RNF224: variants seen among roughly 807,000 people sequenced by gnomAD.
RNF224 encodes ring finger protein 224.
RNF224 carries 1 observed loss-of-function variant against 2.9 expected under a neutral mutation model. The ratio of observed to expected loss-of-function variants is 0.35; its 90% CI spans 0.12 to 1.66. The LOEUF (loss-of-function observed/expected upper bound fraction) is 1.66. Among genes scored for constraint, RNF224 ranks in the 40% most tolerant of loss-of-function variants. RNF224 has a pLI of 0.35. For missense variants in RNF224, 254 were observed against 221.8 expected, an observed-to-expected ratio of 1.15 and a Z score of -0.92; for synonymous variants, 116 against 97.6, an observed-to-expected ratio of 1.19 and a Z score of -1.11.
At chr9:137,228,478 C>T (rs760833914) in intron 2 of RNF224, 137 bp downstream of exon 2, 78 of 1,084,266 alleles carry the variant, frequency 7.2e-5, no homozygotes, top group Non-Finnish European at 8.8e-5. Flanking sequence ...TGCCTGTGCC[C>T]GGTGCCACGC....
In RNF224 at chr9:137,228,194, C is replaced by T. The variant is rs748943972; in HGVS notation, c.-142C>T. 8.3e-5 allele frequency: 62 copies of T among 744,106 alleles called. No homozygotes were observed. Among genetic ancestry groups the T allele is most frequent in the Middle Eastern group, 4.7e-4 (2 of 4,252 alleles). 46.1% of individuals were successfully genotyped at this position (744,106 alleles called of 1,614,324 possible). ...TGTGGCTGAAACGGGAGCCCACGCC[C>T]GCCACAGCTGGCCACCTGCCTCTCT... On this transcript the variant is annotated 5_prime_UTR_variant, in exon 2 of 3. Transcript: ENST00000445101.
rs1046153018 is a variant in RNF224, at chr9:137,229,407, G to A, written c.*321G>A. 8 of 400,506 alleles carry A rather than the reference G, an allele frequency of 2.0e-5. No homozygotes were observed. Among genetic ancestry groups the A allele is most frequent in the South Asian group, 1.2e-4 (4 of 32,518 alleles). The allele number at this position is 400,506 out of a possible 1,614,324, so 24.8% of individuals were successfully genotyped here. Reference sequence around the variant, plus strand: ...CGGCAAGCCTGGCTTGGGCCTAGACGCAGCGCAAAGGATGGCTCCCAAGAG... The same window carrying A: ...CGGCAAGCCTGGCTTGGGCCTAGACACAGCGCAAAGGATGGCTCCCAAGAG... On this transcript the variant is annotated 3_prime_UTR_variant, in exon 3 of 3. Coordinates refer to ENST00000445101, the MANE Select transcript of RNF224 (RefSeq NM_001190228.2).
At chr9:137,228,095 G>A (rs1276934584) in intron 1 of RNF224, 57 bp from the exon 2 acceptor site, 2 of 545,776 alleles carry the variant, frequency 3.7e-6, no homozygotes, top group Non-Finnish European at 6.5e-6. Flanking sequence ...CTGGACAGGA[G>A]GGGGTGGGCA....
chr9:137,228,433 G>C, intron 2 of RNF224, 92 bp downstream of exon 2: 1 of 1,282,522 alleles, frequency 7.8e-7, no homozygotes, highest in African/African-American at 1.5e-5. Flanking sequence ...CCCGGCTGGT[G>C]CCCACATGAA....
chr9:137,227,904 G>A (rs1588833909), intron 1 of RNF224, 43 bp downstream of exon 1: 2 of 185,348 alleles, frequency 1.1e-5, no homozygotes, highest in African/African-American at 2.5e-5. Context: ...AAGGGAAGGA[G>A]AGGGTAAGAG....
At chr9:137,228,460 C>T in intron 2 of RNF224, 119 bp downstream of exon 2, 1 of 1,126,708 alleles carries the variant, frequency 8.9e-7, no homozygotes, top group Non-Finnish European at 1.2e-6. Flanking sequence ...GTGTGCAGAC[C>T]CTGGTTCTGC....
At chr9:137,228,563 C>T (rs1163046002) in intron 2 of RNF224, 59 bp from the exon 3 acceptor site, 8 of 1,336,822 alleles carry the variant, frequency 6.0e-6, no homozygotes, top group African/African-American at 3.0e-5. Flanking sequence ...GGGGCCAGCA[C>T]CCCATCCAGG....
At chr9:137,228,480 G>C in intron 2 of RNF224, 139 bp downstream of exon 2, 1 of 1,093,556 alleles carries the variant, frequency 9.1e-7, no homozygotes. Context: ...CCTGTGCCCG[G>C]TGCCACGCTC....
Position 137,228,541 on chromosome 9 carries a change from G to C in RNF224, c.7-81G>C. Reference sequence around the variant, plus strand: ...CCACAGACCCAGCGCCTGACCTCTGGGGTGGGCTCCTGGGGCCAGCACCCC... The same window carrying C: ...CCACAGACCCAGCGCCTGACCTCTGCGGTGGGCTCCTGGGGCCAGCACCCC... On this transcript the variant is annotated intron_variant, in intron 2 of 2. Coordinates refer to ENST00000445101, the MANE Select transcript of RNF224 (RefSeq NM_001190228.2). The C allele has an allele frequency of 2.4e-6, 3 of 1,232,152 alleles. No individual in the cohort carries two copies. The South Asian group carries it at 4.7e-5, about 19-fold the overall frequency. 76.3% of individuals were successfully genotyped at this position (1,232,152 alleles called of 1,614,324 possible).
rs762797917 is a variant in RNF224 at position 137,228,669 on chromosome 9, G to A, written c.54G>A (p.Pro18=). ...GPPGLGGGGP[P]EERTDCIICC... is the part of the protein sequence containing the mutation. ...CAGGCCTCGGAGGAGGGGGGCCCCCGGAGGAGAGGACAGACTGCATCATCT... is the reference window on the plus strand; with the variant it reads ...CAGGCCTCGGAGGAGGGGGGCCCCCAGAGGAGAGGACAGACTGCATCATCT... The change falls in exon 3 of 3, where the codon CCG becomes CCA. Residue 18 remains proline, a synonymous_variant. Coordinates refer to ENST00000445101, the MANE Select transcript of RNF224 (RefSeq NM_001190228.2). The A allele has an allele frequency of 5.0e-5, 74 of 1,470,934 alleles. No individual in the cohort carries two copies. The Middle Eastern group carries it at 8.3e-4, about 17-fold the overall frequency. 91.1% of individuals were successfully genotyped at this position (1,470,934 alleles called of 1,614,324 possible). A position where few individuals can be genotyped will look rare whatever the true frequency, so the allele number is the denominator to read the frequency against.
In RNF224 at chr9:137,229,229, C is replaced by G; in HGVS notation, c.*143C>G. Reference sequence around the variant, plus strand: ...GTGTGGCCCAGCAGGGTGGTGTCATCCCAGCCGTGAACATCCCAGGCCACA... The same window carrying G: ...GTGTGGCCCAGCAGGGTGGTGTCATGCCAGCCGTGAACATCCCAGGCCACA... On this transcript the variant is annotated 3_prime_UTR_variant, in exon 3 of 3. Coordinates refer to ENST00000445101, the MANE Select transcript of RNF224 (RefSeq NM_001190228.2). The G allele has an allele frequency of 1.6e-6, 1 of 615,572 alleles. No homozygotes were observed. Among genetic ancestry groups the G allele is most frequent in the Non-Finnish European group, 2.9e-6 (1 of 348,840 alleles). 38.1% of individuals were successfully genotyped at this position (615,572 alleles called of 1,614,324 possible).
Position 137,228,284 on chromosome 9 carries a change from C to A in RNF224, c.-52C>A, listed in dbSNP as rs905069028. ...GAGCCGCAGGGCGCCCTGGGTCCCC[C>A]ACTCCCTTCTCCGGCCACCCCGTGG... On this transcript the variant is annotated 5_prime_UTR_variant, in exon 2 of 3. Transcript: ENST00000445101. The A allele has an allele frequency of 9.2e-6, 14 of 1,527,276 alleles. No homozygotes were observed. The African/African-American group carries it at 1.7e-4, about 18-fold the overall frequency. 94.6% of individuals were successfully genotyped at this position (1,527,276 alleles called of 1,614,324 possible). A position where few individuals can be genotyped will look rare whatever the true frequency, so the allele number is the denominator to read the frequency against.
At position 137,228,904 on chromosome 9, in the gene RNF224, G is replaced by C. The variant is rs1222605413; in HGVS notation, c.289G>C (p.Glu97Gln). ...DLAAFLAVKAEREPARLEPLP... is the reference protein window; with the variant it reads ...DLAAFLAVKAQREPARLEPLP... ...GGCTGCTTTCCTGGCGGTCAAGGCT[G>C]AGCGGGAGCCGGCAAGACTAGAACC... The change falls in exon 3 of 3, where the codon GAG becomes CAG. Residue 97 changes from glutamate (E) to glutamine (Q), a missense_variant. Physicochemically the swap from Glu to Gln is conservative, Grantham distance 29. Coordinates refer to ENST00000445101, the MANE Select transcript of RNF224 (RefSeq NM_001190228.2). 1 of 1,535,756 alleles carries C rather than the reference G, an allele frequency of 6.5e-7. No individual in the cohort carries two copies. Among genetic ancestry groups the C allele is most frequent in the Admixed American group, 2.0e-5 (1 of 51,002 alleles).
chr9:137,229,424 T>G lies in RNF224; in HGVS notation c.*338T>G. The G allele has an allele frequency of 3.0e-6, 1 of 335,256 alleles. No homozygotes were observed. The allele number at this position is 335,256 out of a possible 1,614,324, so 20.8% of individuals were successfully genotyped here. A position where few individuals can be genotyped will look rare whatever the true frequency, so the allele number is the denominator to read the frequency against. ...GCCTAGACGCAGCGCAAAGGATGGC[T>G]CCCAAGAGGATGCGAAGGCGTCCCG... On this transcript the variant is annotated 3_prime_UTR_variant, in exon 3 of 3. Transcript: ENST00000445101.
chr9:137,227,880 A>C lies in RNF224; in HGVS notation c.-185+19A>C, dbSNP rs2131393393. On this transcript the variant is annotated intron_variant, in intron 1 of 2. Transcript: ENST00000445101. ...GGCCAAGGCAGGAAAACATTCCAGT[A>C]TGGAGGGGAGGTTAAGGGAAGGAGA... 5 of 157,264 alleles carry C rather than the reference A, an allele frequency of 3.2e-5. No homozygotes were observed. Among genetic ancestry groups the C allele is most frequent in the Non-Finnish European group, 6.8e-5 (5 of 73,692 alleles). 9.7% of individuals were successfully genotyped at this position (157,264 alleles called of 1,614,324 possible). A position where few individuals can be genotyped will look rare whatever the true frequency, so the allele number is the denominator to read the frequency against.
Position 137,229,478 on chromosome 9 carries a change from G to C in RNF224, c.*392G>C. 1 of 247,070 alleles carries C rather than the reference G, an allele frequency of 4.0e-6. No homozygotes were observed. Among genetic ancestry groups the C allele is most frequent in the African/African-American group, 2.2e-5 (1 of 45,228 alleles). The allele number at this position is 247,070 out of a possible 1,614,324, so 15.3% of individuals were successfully genotyped here. A position where few individuals can be genotyped will look rare whatever the true frequency, so the allele number is the denominator to read the frequency against. On this transcript the variant is annotated 3_prime_UTR_variant, in exon 3 of 3. Transcript: ENST00000445101. Reference sequence around the variant, plus strand: ...GCCTGGGCTGCAGGCTGGAGGGGCAGGGCCGGTCTGGCTATGCCTGGCGGG... The same window carrying C: ...GCCTGGGCTGCAGGCTGGAGGGGCACGGCCGGTCTGGCTATGCCTGGCGGG...
chr9:137,228,339 C>A lies in RNF224; in HGVS notation c.4C>A (p.Gln2Lys), dbSNP rs868433866. The A allele has an allele frequency of 6.6e-7, 1 of 1,510,524 alleles. No homozygotes were observed. The highest frequency in any genetic ancestry group is 1.2e-5 in the South Asian group (1 of 81,192). 93.6% of individuals were successfully genotyped at this position (1,510,524 alleles called of 1,614,324 possible). ...GCATAGCTGCCCAGCAGAGCCCATGCAGGTAAGAGGCCTGGGCTCAGGTCG... is the reference window on the plus strand; with the variant it reads ...GCATAGCTGCCCAGCAGAGCCCATGAAGGTAAGAGGCCTGGGCTCAGGTCG... M[Q>K]DAAAGGPPGL... The change falls in exon 2 of 3, where the codon CAG (glutamine) becomes AAG (lysine). Residue 2 changes from glutamine (Q) to lysine (K), a missense_variant and splice_region_variant. Transcript: ENST00000445101.
Position 137,228,245 on chromosome 9 carries a change from T to C in RNF224, c.-91T>C, listed in dbSNP as rs1836026859. On this transcript the variant is annotated 5_prime_UTR_variant, in exon 2 of 3. The change abolishes an upstream ATG in the 5' untranslated region. Coordinates refer to ENST00000445101, the MANE Select transcript of RNF224 (RefSeq NM_001190228.2). The stretch of plus-strand genomic sequence containing the variant: ...CCTGACTCCCGTGCAAGGCCAGTAA[T>C]GCAACCCAGGAGGGAGCCGCAGGGC... 1 of 1,342,808 alleles carries C rather than the reference T, an allele frequency of 7.4e-7. No individual in the cohort carries two copies. Among genetic ancestry groups the C allele is most frequent in the African/African-American group, 1.5e-5 (1 of 68,220 alleles). 83.2% of individuals were successfully genotyped at this position (1,342,808 alleles called of 1,614,324 possible). A position where few individuals can be genotyped will look rare whatever the true frequency, so the allele number is the denominator to read the frequency against.
At position 137,229,081 on chromosome 9, in the gene RNF224, G is replaced by T. The variant is rs767347083; in HGVS notation, c.466G>T (p.Val156Phe). The T allele has an allele frequency of 5.9e-6, 9 of 1,515,194 alleles. No individual in the cohort carries two copies. In the South Asian group the frequency reaches 9.6e-5, roughly 16 times the overall value. The allele number at this position is 1,515,194 out of a possible 1,614,324, so 93.9% of individuals were successfully genotyped here. The stretch of plus-strand genomic sequence containing the variant: ...CTGCCCACCCCTAGGCAGCCCCGAG[G>T]TCTGAACTCTGGCCATTCCCACCCC... ...LCCPPLGSPE[V>F] Residue 156 changes from valine to phenylalanine, a missense_variant, in exon 3 of 3, where the codon GTC becomes TTC. Transcript: ENST00000445101.
Sources: allele counts gnomAD v4.1 joint callset, GRCh38; gene constraint gnomAD v4.1.1; transcripts MANE v1.5; gene names NCBI Gene and HGNC (gene_info 2026-07-23, HGNC 2026-07-21).